Variants in RASSF5 observed in about 807,000 individuals in gnomAD.
RASSF5 encodes the protein ras association domain-containing protein 5.
Under a neutral mutation model 40.5 loss-of-function variants are expected in RASSF5, and 25 were observed. The ratio of observed to expected loss-of-function variants is 0.62; its 90% CI spans 0.45 to 0.86. RASSF5 has a LOEUF of 0.86. Among genes scored for constraint, RASSF5 ranks in the 40% least tolerant of loss-of-function variants. The probability of loss-of-function intolerance (pLI) is 0.00; values close to 1 mark genes in which losing one functional copy is unlikely to be tolerated. For missense variants in RASSF5, 521 were observed against 572.8 expected (o/e 0.91, Z 0.92); for synonymous variants, 246 against 252.4 (o/e 0.97, Z 0.24).
chr1:206,508,111 G>A, intron 1 of RASSF5, 52 bp downstream of exon 1: 3 of 1,279,972 alleles, frequency 2.3e-6, no homozygotes, highest in South Asian at 1.9e-5. Flanking sequence ...GTCTGGGGGC[G>A]AAGGACTGGG....
intron 2 of RASSF5, among the ~76,000 whole-genome samples, chr1:206,549,216 C>A (rs1667775326): frequency 6.6e-6 from 1 of 151,932 alleles, no homozygotes; most frequent in Admixed American, 6.6e-5. Context: ...GTTTGTTAAT[C>A]TTTTCTTCTG....
chr1:206,569,811 C>T (rs1553403920), intron 2 of RASSF5, among the ~76,000 whole-genome samples: 1 of 152,086 alleles, frequency 6.6e-6, no homozygotes, highest in African/African-American at 2.4e-5. Flanking sequence ...TTGAGCTAGG[C>T]TGGGCTGTCC....
rs186984628 is a variant in RASSF5 at position 206,573,343 on chromosome 1, C to T, written c.580-9926C>T. 3.3e-4 allele frequency among the ~76,000 whole-genome samples: 50 copies of T among 152,292 alleles called. 1 individual carries two copies. In the East Asian group the frequency reaches 8.9e-3, roughly 27 times the overall value. ...AGGCATATAGATTTTCTGACTTTCTCAAGACCATGTAGTGAGTAATAGGAG... is the reference window on the plus strand; with the variant it reads ...AGGCATATAGATTTTCTGACTTTCTTAAGACCATGTAGTGAGTAATAGGAG... On this transcript the variant is annotated intron_variant, in intron 2 of 5. Coordinates refer to ENST00000579436, the MANE Select transcript of RASSF5 (RefSeq NM_182663.4).
chr1:206,564,394 A>G (rs1668228551), intron 2 of RASSF5, among the ~76,000 whole-genome samples: 1 of 151,478 alleles, frequency 6.6e-6, no homozygotes, highest in African/African-American at 2.5e-5. Flanking sequence ...ACAGGTTTAG[A>G]TAGTTTATCC....
In RASSF5 at chr1:206,510,768, T is replaced by C. The variant is rs143814790; in HGVS notation, c.457+2709T>C. Among the ~76,000 whole-genome samples, 287 of 152,256 alleles carry C rather than the reference T, an allele frequency of 1.9e-3. 4 individuals carry two copies. In the East Asian group the frequency reaches 0.034, roughly 18 times the overall value. On this transcript the variant is annotated intron_variant, in intron 1 of 5. Coordinates refer to ENST00000579436, the MANE Select transcript of RASSF5 (RefSeq NM_182663.4). The stretch of plus-strand genomic sequence containing the variant: ...AGGGGCCACGAAGCCATTGGCTCCT[T>C]GTCTTTGTGTTTCTTGCACCCAGCA...
At chr1:206,524,308 T>C (rs1346645830) in intron 1 of RASSF5, among the ~76,000 whole-genome samples, 1 of 141,100 alleles carries the variant, frequency 7.1e-6, no homozygotes, top group Non-Finnish European at 1.5e-5. Context: ...CCATATGTAA[T>C]ACATTTTACA....
chr1:206,520,838 A>T (rs2151223), intron 1 of RASSF5, among the ~76,000 whole-genome samples: 5 of 151,906 alleles, frequency 3.3e-5, no homozygotes, highest in African/African-American at 1.2e-4. Context: ...CTGCACTGGG[A>T]GCTGCTGTTG....
intron 1 of RASSF5, among the ~76,000 whole-genome samples, chr1:206,521,782 G>T (rs1666915694): frequency 6.6e-6 from 1 of 152,180 alleles, no homozygotes; most frequent in East Asian, 1.9e-4. Context: ...AGCTACCCAG[G>T]GTCCTCCGTC....
chr1:206,523,485 ATATTATATATTATATATTTTATATAT>A (rs1314315766), intron 1 of RASSF5, among the ~76,000 whole-genome samples: 2,094 of 17,166 alleles, frequency 0.12, 101 homozygotes, highest in African/African-American at 0.41. Context: ...ACAATATATA[ATATTATATATTATATATTTTATATAT>A]TATATATTAT....
At position 206,513,341 on chromosome 1, in the gene RASSF5, C is replaced by T. The variant is rs1312701695; in HGVS notation, c.457+5282C>T. ...TCTCTGGCCTCACCAGAGGCCCTTCCTGTTCGCATTCCTCAGATGGCAAGG... is the reference window on the plus strand; with the variant it reads ...TCTCTGGCCTCACCAGAGGCCCTTCTTGTTCGCATTCCTCAGATGGCAAGG... On this transcript the variant is annotated intron_variant, in intron 1 of 5. Transcript: ENST00000579436. This position sits in a 1 kb window ranked among gnomAD's most constrained non-coding sequence, Gnocchi z 5.0. Among the ~76,000 whole-genome samples, 2 of 152,258 alleles carry T rather than the reference C, an allele frequency of 1.3e-5. No individual in the cohort carries two copies. Among genetic ancestry groups the T allele is most frequent in the Non-Finnish European group, 2.9e-5 (2 of 68,038 alleles).
chr1:206,508,876 C>G (rs1480689327), intron 1 of RASSF5, among the ~76,000 whole-genome samples: 1 of 152,112 alleles, frequency 6.6e-6, no homozygotes, highest in Non-Finnish European at 1.5e-5. Flanking sequence ...CACTGGGCCC[C>G]CAGTGTATAG....
intron 2 of RASSF5, among the ~76,000 whole-genome samples, chr1:206,546,099 T>A: frequency 7.6e-5 from 1 of 13,172 alleles, no homozygotes; most frequent in African/African-American, 2.3e-4. Context: ...ATTTTTTTTT[T>A]TTTTTTTTTT....
chr1:206,507,950 G>A lies in RASSF5; in HGVS notation c.348G>A (p.Pro116=). The change falls in exon 1 of 6, where the codon CCG becomes CCA. Residue 116 remains proline, a synonymous_variant. Transcript: ENST00000579436. ...AGCAGCCGCAGGATCCCAGAGTCCC[G>A]GCGGAGCGAGGCGAGGGGCACTGCT... ...IFEQPQDPRV[P]AERGEGHCFA... is the part of the protein sequence containing the mutation. 6.6e-7 allele frequency: 1 copy of A among 1,525,814 alleles called. No individual in the cohort carries two copies. Among genetic ancestry groups the A allele is most frequent in the Non-Finnish European group, 8.7e-7 (1 of 1,143,812 alleles). The allele number at this position is 1,525,814 out of a possible 1,614,324, so 94.5% of individuals were successfully genotyped here.
chr1:206,535,207 A>G lies in RASSF5; in HGVS notation c.458-2965A>G, dbSNP rs1398975858. Among the ~76,000 whole-genome samples the G allele has an allele frequency of 1.3e-5, 2 of 152,190 alleles. No homozygotes were observed. The highest frequency in any genetic ancestry group is 1.3e-4 in the Admixed American group (2 of 15,280). On this transcript the variant is annotated intron_variant, in intron 1 of 5. Transcript: ENST00000579436. The surrounding 1 kb of genome is among the most constrained non-coding windows in gnomAD (Gnocchi z 5.0). The stretch of plus-strand genomic sequence containing the variant: ...GGCAGAGTGAAACCTTGCCTCAAAA[A>G]GAAAAAACAAAAAACAAAACATAAA...
At chr1:206,511,202 G>A (rs1369447088) in intron 1 of RASSF5, among the ~76,000 whole-genome samples, 7 of 152,178 alleles carry the variant, frequency 4.6e-5, no homozygotes, top group African/African-American at 9.7e-5. Context: ...GAGAGAGAAC[G>A]AAAGGTCCTG....
intron 2 of RASSF5, among the ~76,000 whole-genome samples, chr1:206,573,821 A>C (rs1553404641): frequency 6.6e-6 from 1 of 152,222 alleles, no homozygotes; most frequent in African/African-American, 2.4e-5. Context: ...CAGCCTGGGC[A>C]ATATAGTGAG....
At chr1:206,524,261 A>T (rs1010974440) in intron 1 of RASSF5, among the ~76,000 whole-genome samples, 2 of 140,312 alleles carry the variant, frequency 1.4e-5, no homozygotes, top group East Asian at 2.0e-4. Context: ...TATATTATAG[A>T]TACCATATGT....
chr1:206,584,295 G>A lies in RASSF5; in HGVS notation c.691-92G>A, dbSNP rs927115874. 5 of 1,262,892 alleles carry A rather than the reference G, an allele frequency of 4.0e-6. No individual in the cohort carries two copies. The highest frequency in any genetic ancestry group is 1.5e-5 in the African/African-American group (1 of 66,786). 78.2% of individuals were successfully genotyped at this position (1,262,892 alleles called of 1,614,324 possible). ...AGGCAGGAAAGAACTCAAGGAGACA[G>A]GTGGGTGCTGCTGGGGCAATGGCCC... On this transcript the variant is annotated intron_variant, in intron 3 of 5. Coordinates refer to ENST00000579436, the MANE Select transcript of RASSF5 (RefSeq NM_182663.4). This position sits in a 1 kb window ranked among gnomAD's most constrained non-coding sequence, Gnocchi z 4.9.
intron 5 of RASSF5, 73 bp from the exon 6 acceptor site, chr1:206,586,753 C>G: frequency 8.6e-7 from 1 of 1,168,324 alleles, no homozygotes; most frequent in Non-Finnish European, 1.2e-6. Context: ...GCAGCAGGGT[C>G]TCTCAGGTCG....
Sources: allele counts gnomAD v4.1 joint callset (sites outside exome capture counted in the v4.1 genomes callset), GRCh38; gene constraint gnomAD v4.1.1; non-coding constraint Gnocchi (gnomAD v3.1); transcripts MANE v1.5; gene names NCBI Gene and HGNC (gene_info 2026-07-23, HGNC 2026-07-21).